The following ATG2B variants were observed in gnomAD, a reference collection of about 807,000 sequenced individuals.
The protein encoded by ATG2B is autophagy related 2B, also known as autophagy-related protein 2 homolog B.
ATG2B carries 121 observed loss-of-function variants against 241.3 expected under a neutral mutation model. The ratio of observed to expected loss-of-function variants is 0.50; its 90% CI spans 0.43 to 0.58. ATG2B has a LOEUF of 0.58. Ranked by LOEUF, ATG2B falls within the 20% of genes least tolerant of loss-of-function variation. The pLI is 0.00. For synonymous variants in ATG2B, 858 were observed against 876.6 expected (o/e 0.98, Z 0.37); for missense variants, 2,306 against 2,491.6 (o/e 0.93, Z 1.59).
intron 1 of ATG2B, among the ~76,000 whole-genome samples, chr14:96,357,506 T>C (rs1447526907): frequency 1.3e-5 from 2 of 152,116 alleles, no homozygotes; most frequent in African/African-American, 4.8e-5. Flanking sequence ...CCCTCAAAAA[T>C]CAATATAGTA....
At position 96,344,759 on chromosome 14, in the gene ATG2B, A is replaced by G. The variant is rs772663386; in HGVS notation, c.479-3T>C. ...AGTGACTTTTACTCTTCTTAGTACT[A>G]AAGTAAACAAGTAATTGTCAACGTA... On this transcript the variant is annotated splice_polypyrimidine_tract_variant and splice_region_variant and intron_variant, in intron 3 of 41. Coordinates refer to ENST00000359933, the MANE Select transcript of ATG2B (RefSeq NM_018036.7). The G allele has an allele frequency of 8.4e-6, 12 of 1,428,262 alleles. No individual in the cohort carries two copies. The highest frequency in any genetic ancestry group is 1.2e-5 in the Non-Finnish European group (12 of 1,036,712). The allele number at this position is 1,428,262 out of a possible 1,614,324, so 88.5% of individuals were successfully genotyped here. A position where few individuals can be genotyped will look rare whatever the true frequency, so the allele number is the denominator to read the frequency against.
chr14:96,324,113 A>G, intron 15 of ATG2B, 115 bp from the exon 16 acceptor site: 1 of 666,276 alleles, frequency 1.5e-6, no homozygotes. Context: ...GTTCTACAGC[A>G]TTTTTCAGTT....
chr14:96,295,962 C>CT (rs1056361955), intron 34 of ATG2B, among the ~76,000 whole-genome samples: 19 of 150,492 alleles, frequency 1.3e-4, no homozygotes, highest in East Asian at 3.9e-4. Flanking sequence ...GTGCTGGACA[C>CT]TTTTTTTTTT....
At chr14:96,308,269 T>C (rs1316076341) in intron 29 of ATG2B, among the ~76,000 whole-genome samples, 1 of 26,526 alleles carries the variant, frequency 3.8e-5, no homozygotes, top group Non-Finnish European at 8.3e-5. Context: ...TATATATATA[T>C]ATATATATAT....
intron 21 of ATG2B, 32 bp from the exon 22 acceptor site, chr14:96,315,615 C>CA: frequency 6.5e-7 from 1 of 1,536,274 alleles, no homozygotes; most frequent in Admixed American, 1.7e-5. Flanking sequence ...AAAATAGTAA[C>CA]AAAATGATTA....
At position 96,362,844 on chromosome 14, in the gene ATG2B, A is replaced by AC. The variant is rs1566739620; in HGVS notation, c.132dup (p.Ser45ValfsTer14). The AC allele has an allele frequency of 6.2e-7, 1 of 1,610,494 alleles. No individual in the cohort carries two copies. Among genetic ancestry groups the AC allele is most frequent in the Admixed American group, 1.7e-5 (1 of 59,848 alleles). ...TTGTCCAAGGGGACCTGGGCGAGGG[A>AC]CCCGGTGCCTTGGTACAGGTCCAGG... On this transcript the variant is annotated frameshift_variant, in exon 1 of 42. Transcript: ENST00000359933. LOFTEE classifies it high-confidence loss of function.
At chr14:96,357,177 G>A (rs557560345) in intron 1 of ATG2B, among the ~76,000 whole-genome samples, 33 of 152,192 alleles carry the variant, frequency 2.2e-4, no homozygotes, top group Non-Finnish European at 3.8e-4. Flanking sequence ...TCTCTACCTA[G>A]TTCCTAGGAC....
chr14:96,312,615 A>T (rs8012115), intron 25 of ATG2B, among the ~76,000 whole-genome samples: 38,912 of 151,868 alleles, frequency 0.26, 5,277 homozygotes, highest in Non-Finnish European at 0.29. Context: ...CCAGGGATAG[A>T]GGCACACGTC....
intron 21 of ATG2B, 56 bp from the exon 22 acceptor site, chr14:96,315,639 A>T: frequency 7.0e-7 from 1 of 1,422,114 alleles, no homozygotes; most frequent in Admixed American, 1.8e-5. Flanking sequence ...GAAATTAGCT[A>T]ATCAACTTAC....
chr14:96,304,730 C>A, intron 31 of ATG2B, 127 bp from the exon 32 acceptor site: 1 of 651,872 alleles, frequency 1.5e-6, no homozygotes, highest in South Asian at 2.3e-5. Context: ...CAGAACGCTG[C>A]CACAAATTAC....
intron 22 of ATG2B, 25 bp downstream of exon 22, chr14:96,315,359 T>G: frequency 6.2e-7 from 1 of 1,605,396 alleles, no homozygotes; most frequent in Non-Finnish European, 8.5e-7. Context: ...AAATCAACAG[T>G]GGCATAAAAG....
At position 96,345,389 on chromosome 14, in the gene ATG2B, T is replaced by C. The variant is rs747451546; in HGVS notation, c.326-4A>G. On this transcript the variant is annotated splice_polypyrimidine_tract_variant and splice_region_variant and intron_variant, in intron 2 of 41. Transcript: ENST00000359933. Reference sequence around the variant, plus strand: ...TACATAGGCTCAGAACCAGTTGCTGTGGAAAATATAAATTAATCCTAAATA... The same window carrying C: ...TACATAGGCTCAGAACCAGTTGCTGCGGAAAATATAAATTAATCCTAAATA... 1.3e-6 allele frequency: 2 copies of C among 1,586,640 alleles called. No individual in the cohort carries two copies. The highest frequency in any genetic ancestry group is 1.7e-6 in the Non-Finnish European group (2 of 1,170,710).
chr14:96,359,110 G>A (rs926427494), intron 1 of ATG2B, among the ~76,000 whole-genome samples: 2 of 151,760 alleles, frequency 1.3e-5, no homozygotes, highest in Non-Finnish European at 2.9e-5. Flanking sequence ...GGTGGCTCAC[G>A]TCTGTAATCC....
intron 1 of ATG2B, among the ~76,000 whole-genome samples, chr14:96,361,093 C>T (rs1888616779): frequency 6.6e-6 from 1 of 152,140 alleles, no homozygotes; most frequent in African/African-American, 2.4e-5. Flanking sequence ...GATGCTTTGA[C>T]ATTATCATTT....
At chr14:96,316,296 AC>A (rs1385442519) in intron 21 of ATG2B, among the ~76,000 whole-genome samples, 1 of 152,228 alleles carries the variant, frequency 6.6e-6, no homozygotes, top group Non-Finnish European at 1.5e-5. Flanking sequence ...ACTAAAAACC[AC>A]TGAAAGGTAC....
At position 96,313,309 on chromosome 14, in the gene ATG2B, T is replaced by C; in HGVS notation, c.3749+20A>G. ...TAGCATTTTAAATAAAACTTTATTT[T>C]GTTCCATTTGTGAACTTACCTATAA... On this transcript the variant is annotated intron_variant, in intron 24 of 41. Coordinates refer to ENST00000359933, the MANE Select transcript of ATG2B (RefSeq NM_018036.7). 1 of 1,504,590 alleles carries C rather than the reference T, an allele frequency of 6.6e-7. No homozygotes were observed. Among genetic ancestry groups the C allele is most frequent in the Non-Finnish European group, 9.1e-7 (1 of 1,104,532 alleles). The allele number at this position is 1,504,590 out of a possible 1,614,324, so 93.2% of individuals were successfully genotyped here.
intron 36 of ATG2B, chr14:96,293,170 T>C (rs1000503267): frequency 7.9e-5 from 12 of 152,192 alleles, no homozygotes; most frequent in Admixed American, 3.3e-4. Context: ...ACAGAATTAA[T>C]GTTGGTGGTT....
At chr14:96,287,126 G>T (rs1886356193) in intron 41 of ATG2B, among the ~76,000 whole-genome samples, 1 of 151,774 alleles carries the variant, frequency 6.6e-6, no homozygotes, top group Non-Finnish European at 1.5e-5. Flanking sequence ...GTGGTGGCAG[G>T]CGCCTGTAGT....
At chr14:96,319,990 G>A (rs1328013370) in intron 18 of ATG2B, among the ~76,000 whole-genome samples, 1 of 152,076 alleles carries the variant, frequency 6.6e-6, no homozygotes, top group African/African-American at 2.4e-5. Context: ...AGGGGCCTGA[G>A]AGACCAAAAA....
Sources: gnomAD v4.1 joint callset for allele counts (sites outside exome capture counted in the v4.1 genomes callset) on GRCh38, gnomAD v4.1.1 for gene constraint, MANE v1.5 for transcripts, NCBI Gene and HGNC (gene_info 2026-07-23, HGNC 2026-07-21) for gene names.